MAPK14: variants seen among roughly 807,000 people sequenced by gnomAD.
The protein encoded by MAPK14 is mitogen-activated protein kinase 14.
Under a neutral mutation model 49.6 loss-of-function variants are expected in MAPK14, and 16 were observed. The observed-to-expected ratio is 0.32, with a 90% CI of 0.22 to 0.49. The LOEUF (loss-of-function observed/expected upper bound fraction) is 0.49. MAPK14 is among the 20% of genes least tolerant of loss of function. MAPK14 has a pLI of 0.99. For missense variants in MAPK14, 200 were observed against 441.2 expected (o/e 0.45, Z 4.90); for synonymous variants, 142 against 158.0 (o/e 0.90, Z 0.76).
intron 9 of MAPK14, among the ~76,000 whole-genome samples, chr6:36,101,748 G>A (rs964195479): frequency 3.3e-5 from 5 of 152,198 alleles, no homozygotes; most frequent in African/African-American, 1.2e-4. Context: ...CTGGGCTCAA[G>A]CGATCTGCCC....
intron 3 of MAPK14, among the ~76,000 whole-genome samples, chr6:36,062,281 A>G (rs1383960031): frequency 1.3e-5 from 2 of 152,174 alleles, no homozygotes; most frequent in Non-Finnish European, 2.9e-5. Context: ...CAGCCATTTC[A>G]GTATTTTCTA....
At chr6:36,047,928 G>A (rs1014092763) in intron 1 of MAPK14, among the ~76,000 whole-genome samples, 21 of 152,070 alleles carry the variant, frequency 1.4e-4, no homozygotes, top group Non-Finnish European at 2.6e-4. Context: ...ATTTTTAGTA[G>A]AGATGGGGTT....
At chr6:36,061,107 A>C (rs1291547488) in intron 3 of MAPK14, among the ~76,000 whole-genome samples, 1 of 152,220 alleles carries the variant, frequency 6.6e-6, no homozygotes, top group Non-Finnish European at 1.5e-5. Context: ...TTTTAAAAAT[A>C]GTTTTCCTAA....
chr6:36,088,097 C>T (rs1765061801), intron 8 of MAPK14, among the ~76,000 whole-genome samples: 1 of 152,112 alleles, frequency 6.6e-6, no homozygotes, highest in South Asian at 2.1e-4. Context: ...AAACTGGACC[C>T]CTTCCTTACA....
chr6:36,093,004 A>G (rs2127464342), intron 8 of MAPK14, among the ~76,000 whole-genome samples: 1 of 152,290 alleles, frequency 6.6e-6, no homozygotes, highest in African/African-American at 2.4e-5. Context: ...AGAGTTATAG[A>G]TAAGCTATTG....
In MAPK14 at chr6:36,045,216, A is replaced by G. The variant is rs528180480; in HGVS notation, c.117-7483A>G. On this transcript the variant is annotated intron_variant, in intron 1 of 11. Transcript: ENST00000229794. ...ACTGTATTTTGGCCTTACGACAGCA[A>G]TCTGTACTGATGGATGCTCTAAAAA... Among the ~76,000 whole-genome samples, 21 of 152,288 alleles carry G rather than the reference A, an allele frequency of 1.4e-4. 1 individual carries two copies. In the South Asian group the frequency reaches 2.9e-3, roughly 21 times the overall value.
In MAPK14 at chr6:36,052,839, C is replaced by G; in HGVS notation, c.246+11C>G. On this transcript the variant is annotated intron_variant, in intron 2 of 11. Transcript: ENST00000229794. ...ATGAAACATGAAAATGTAAGTTATT[C>G]ATTCAAGGAAGAATACATTTTGATC... The G allele has an allele frequency of 6.3e-7, 1 of 1,597,102 alleles. No individual in the cohort carries two copies. The highest frequency in any genetic ancestry group is 8.5e-7 in the Non-Finnish European group (1 of 1,172,496).
chr6:36,087,913 G>C (rs569673476), intron 8 of MAPK14, among the ~76,000 whole-genome samples: 2 of 152,254 alleles, frequency 1.3e-5, no homozygotes, highest in East Asian at 3.9e-4. Context: ...AATCAAAACA[G>C]CATGGTACTA....
Position 36,107,465 on chromosome 6 carries a change from G to A in MAPK14, c.852G>A (p.Leu284=). ...FIGANPLAVD[L]LEKMLVLDSD... Reference sequence around the variant, plus strand: ...CTATGGTACTGATAGCTGTCGACTTGCTGGAGAAGATGCTTGTATTGGACT... The same window carrying A: ...CTATGGTACTGATAGCTGTCGACTTACTGGAGAAGATGCTTGTATTGGACT... Residue 284 remains leucine (L), a synonymous_variant, in exon 11 of 12, where the codon TTG becomes TTA. Transcript: ENST00000229794. The surrounding 1 kb of genome is among the most constrained non-coding windows in gnomAD (Gnocchi z 4.3). 6.5e-7 allele frequency: 1 copy of A among 1,538,018 alleles called. No individual in the cohort carries two copies. The highest frequency in any genetic ancestry group is 8.8e-7 in the Non-Finnish European group (1 of 1,142,214).
chr6:36,050,075 T>C (rs572581975), intron 1 of MAPK14, among the ~76,000 whole-genome samples: 4 of 152,324 alleles, frequency 2.6e-5, no homozygotes, highest in Admixed American at 1.3e-4. Context: ...ATTGAGAGCC[T>C]CTTTGAGATT....
intron 3 of MAPK14, among the ~76,000 whole-genome samples, chr6:36,071,367 G>T (rs546965456): frequency 6.6e-6 from 1 of 151,868 alleles, no homozygotes; most frequent in Non-Finnish European, 1.5e-5. Flanking sequence ...TTTTAGAACC[G>T]ATCTACTTTC....
At chr6:36,073,993 G>C (rs1484446277) in intron 5 of MAPK14, 56 bp from the exon 6 acceptor site, 2 of 1,259,438 alleles carry the variant, frequency 1.6e-6, no homozygotes, top group Non-Finnish European at 2.3e-6. Context: ...CCTGTAGGGG[G>C]AGAATTGATC....
chr6:36,070,965 T>G (rs1432171052), intron 3 of MAPK14, among the ~76,000 whole-genome samples: 3 of 152,180 alleles, frequency 2.0e-5, no homozygotes, highest in Admixed American at 1.3e-4. Context: ...GCTCAGCTGA[T>G]ATATATTATT....
At chr6:36,113,917 C>G (rs369050231), downstream of MAPK14, among the ~76,000 whole-genome samples, 5 of 152,332 alleles carry the variant, frequency 3.3e-5, no homozygotes, top group East Asian at 9.6e-4. Context: ...AAAGCCGCAC[C>G]AGTACTTTGT....
intron 3 of MAPK14, among the ~76,000 whole-genome samples, chr6:36,064,377 C>T (rs560465575): frequency 1.1e-3 from 169 of 150,614 alleles, no homozygotes; most frequent in Non-Finnish European, 1.0e-3. Flanking sequence ...TTCATGGAAA[C>T]TGAATTGTCA....
chr6:36,065,702 G>A (rs540692490), intron 3 of MAPK14, among the ~76,000 whole-genome samples: 22 of 152,182 alleles, frequency 1.4e-4, no homozygotes, highest in African/African-American at 5.3e-4. Context: ...GAAAAAGGAT[G>A]AAAGGTTTTA....
intron 1 of MAPK14, among the ~76,000 whole-genome samples, chr6:36,048,338 C>T (rs116234205): frequency 0.018 from 2,731 of 152,240 alleles, 77 homozygotes; most frequent in African/African-American, 0.061. Context: ...CCACTGCACC[C>T]AACCCGTTTT....
intron 10 of MAPK14, chr6:36,102,852 C>A: frequency 3.6e-6 from 3 of 829,876 alleles, no homozygotes; most frequent in South Asian, 1.9e-5. Flanking sequence ...TAAATGATCA[C>A]AGAACTTGGG....
intron 1 of MAPK14, among the ~76,000 whole-genome samples, chr6:36,037,620 C>G (rs1223795960): frequency 6.6e-6 from 1 of 151,924 alleles, no homozygotes; most frequent in Non-Finnish European, 1.5e-5. Context: ...GAGTGCCTAC[C>G]ATGTATGGTT....
Sources: allele counts gnomAD v4.1 joint callset (sites outside exome capture counted in the v4.1 genomes callset), GRCh38; gene constraint gnomAD v4.1.1; non-coding constraint Gnocchi (gnomAD v3.1); transcripts MANE v1.5; gene names NCBI Gene and HGNC (gene_info 2026-07-23, HGNC 2026-07-21).